The following NCOA2 variants were observed in gnomAD, a reference collection of about 807,000 sequenced individuals.
NCOA2 encodes nuclear receptor coactivator 2, also known as class E basic helix-loop-helix protein 75.
Under a neutral mutation model 145.1 loss-of-function variants are expected in NCOA2, and 21 were observed. The ratio of observed to expected loss-of-function variants is 0.14; its 90% confidence interval spans 0.10 to 0.21. The LOEUF (loss-of-function observed/expected upper bound fraction) is 0.21. Ranked by LOEUF, NCOA2 falls within the 10% of genes least tolerant of loss-of-function variation. The probability of loss-of-function intolerance (pLI) is 1.00; values close to 1 mark genes in which losing one functional copy is unlikely to be tolerated. For synonymous variants in NCOA2, 619 were observed against 637.5 expected (o/e 0.97, Z 0.44); for missense variants, 1,472 against 1,837.6 (o/e 0.80, Z 3.64).
rs1162224696 is a variant in NCOA2, at chr8:70,113,550, CAA to C, written c.*80_*81del. The C allele has an allele frequency of 6.7e-7, 1 of 1,493,062 alleles. No individual in the cohort carries two copies. Among genetic ancestry groups the C allele is most frequent in the African/African-American group, 1.4e-5 (1 of 71,858 alleles). 92.5% of individuals were successfully genotyped at this position (1,493,062 alleles called of 1,614,324 possible). On this transcript the variant is annotated 3_prime_UTR_variant, in exon 23 of 23. Coordinates refer to ENST00000452400, the MANE Select transcript of NCOA2 (RefSeq NM_006540.4). ...GGCTGGCAGGTCAGTTGGGTTGAAA[CAA>C]ATAGACACAGCTCTCCAGACTGGAA...
At chr8:70,327,322 T>C (rs1221163792) in intron 1 of NCOA2, among the ~76,000 whole-genome samples, 1 of 152,214 alleles carries the variant, frequency 6.6e-6, no homozygotes, top group Non-Finnish European at 1.5e-5. Context: ...GAATGCAGTA[T>C]GTATTCTCTG....
chr8:70,265,812 TTTGTTG>T lies in NCOA2; in HGVS notation c.-20+30926_-20+30931del, dbSNP rs139056239. On this transcript the variant is annotated intron_variant, in intron 2 of 22. Transcript: ENST00000452400. ...AAGAGCAAACCAGAAACTTCAGTTT[TTTGTTG>T]TTGTTGTTGTTGTTGTTTTGTTTGT... 9.9e-3 allele frequency among the ~76,000 whole-genome samples: 1,500 copies of T among 151,136 alleles called. 24 individuals carry two copies. Among genetic ancestry groups the T allele is most frequent in the African/African-American group, 0.033 (1,343 of 40,718 alleles).
At chr8:70,151,495 C>T (rs760652343) in intron 11 of NCOA2, among the ~76,000 whole-genome samples, 2 of 152,192 alleles carry the variant, frequency 1.3e-5, no homozygotes, top group African/African-American at 4.8e-5. Context: ...ACCATGTTGG[C>T]TAGGCTGGTC....
chr8:70,249,590 A>G (rs1822927821), intron 2 of NCOA2, among the ~76,000 whole-genome samples: 1 of 152,168 alleles, frequency 6.6e-6, no homozygotes, highest in African/African-American at 2.4e-5. Flanking sequence ...ATAGCATAGG[A>G]AGACATCAAT....
At chr8:70,281,595 C>G (rs1049920698) in intron 2 of NCOA2, among the ~76,000 whole-genome samples, 1 of 152,244 alleles carries the variant, frequency 6.6e-6, no homozygotes, top group African/African-American at 2.4e-5. Context: ...CCCCCCACCT[C>G]TTTGTTTTCT....
chr8:70,357,921 T>C (rs1213984940), intron 1 of NCOA2, among the ~76,000 whole-genome samples: 2 of 149,420 alleles, frequency 1.3e-5, no homozygotes, highest in Non-Finnish European at 3.0e-5. Context: ...CTTGGTGGTG[T>C]CCACCAGTGA....
chr8:70,182,644 A>G (rs1815616805), intron 4 of NCOA2, among the ~76,000 whole-genome samples: 1 of 152,308 alleles, frequency 6.6e-6, no homozygotes, highest in Non-Finnish European at 1.5e-5. Context: ...ACATATTACT[A>G]TGTAATAGCC....
chr8:70,180,651 G>A (rs548453346), intron 4 of NCOA2, among the ~76,000 whole-genome samples: 57 of 152,330 alleles, frequency 3.7e-4, no homozygotes, highest in African/African-American at 1.3e-3. Context: ...TGAAGCAGCT[G>A]TATTAAATTG....
At chr8:70,351,424 T>G (rs191878896) in intron 1 of NCOA2, among the ~76,000 whole-genome samples, 1 of 152,218 alleles carries the variant, frequency 6.6e-6, no homozygotes, top group East Asian at 1.9e-4. Context: ...CTGCTTCTAA[T>G]TCTAAAAGAA....
At chr8:70,129,122 T>G in intron 16 of NCOA2, 142 bp from the exon 17 acceptor site, 13 of 816,474 alleles carry the variant, frequency 1.6e-5, no homozygotes, top group Non-Finnish European at 2.4e-5. Context: ...AAGGTACCTT[T>G]AGAGCTTGAC....
intron 2 of NCOA2, among the ~76,000 whole-genome samples, chr8:70,239,844 G>A (rs1008056060): frequency 2.6e-5 from 4 of 152,212 alleles, no homozygotes; most frequent in African/African-American, 9.6e-5. Flanking sequence ...ATGAGCCAAA[G>A]TTACAAGGCA....
the NCOA2 span, among the ~76,000 whole-genome samples, chr8:70,419,537 C>T: frequency 1.3e-5 from 2 of 151,318 alleles, no homozygotes; most frequent in Non-Finnish European, 1.5e-5. Flanking sequence ...CTTTTTTTGC[C>T]CCTTTTCTTG....
In NCOA2 at chr8:70,112,790, GA is replaced by G; in HGVS notation, c.*841del. On this transcript the variant is annotated 3_prime_UTR_variant, in exon 23 of 23. Coordinates refer to ENST00000452400, the MANE Select transcript of NCOA2 (RefSeq NM_006540.4). ...AGGGAGTATGGGGAATGAGAGAGGG[GA>G]AGGGAAGAGTCAGGCTGACAGGGAA... 1 of 210,166 alleles carries G rather than the reference GA, an allele frequency of 4.8e-6. No individual in the cohort carries two copies. 13.0% of individuals were successfully genotyped at this position (210,166 alleles called of 1,614,324 possible). A position where few individuals can be genotyped will look rare whatever the true frequency, so the allele number is the denominator to read the frequency against.
At position 70,111,007 on chromosome 8, in the gene NCOA2, C is replaced by A. The variant is rs1428377806; in HGVS notation, c.*2625G>T. On this transcript the variant is annotated 3_prime_UTR_variant, in exon 23 of 23. Transcript: ENST00000452400. ...TGAGAAATACTGATAATGAAGGGAA[C>A]TGATTTGGCTTTTGCTTCTATAGTG... 5 of 223,564 alleles carry A rather than the reference C, an allele frequency of 2.2e-5. No homozygotes were observed. The highest frequency in any genetic ancestry group is 4.5e-5 in the Non-Finnish European group (5 of 112,126). The allele number at this position is 223,564 out of a possible 1,614,324, so 13.8% of individuals were successfully genotyped here.
intron 2 of NCOA2, among the ~76,000 whole-genome samples, chr8:70,230,128 C>A (rs1821007028): frequency 6.6e-6 from 1 of 152,166 alleles, no homozygotes; most frequent in South Asian, 2.1e-4. Flanking sequence ...GGTAAAGTCA[C>A]AGTTACGCTA....
intron 1 of NCOA2, among the ~76,000 whole-genome samples, chr8:70,331,438 TAA>T (rs1191175452): frequency 1.3e-5 from 2 of 152,188 alleles, no homozygotes; most frequent in African/African-American, 4.8e-5. Context: ...TTTAAATTGC[TAA>T]AACTGTATTA....
chr8:70,277,877 A>G (rs918466227), intron 2 of NCOA2, among the ~76,000 whole-genome samples: 3 of 152,170 alleles, frequency 2.0e-5, no homozygotes, highest in African/African-American at 7.2e-5. Flanking sequence ...TTACTCCCAT[A>G]TTCATATCTT....
At chr8:70,338,970 A>G (rs1364685958) in intron 1 of NCOA2, among the ~76,000 whole-genome samples, 1 of 152,174 alleles carries the variant, frequency 6.6e-6, no homozygotes, top group Non-Finnish European at 1.5e-5. Flanking sequence ...AGAGCCATAT[A>G]TGACAAACTC....
chr8:70,119,087 T>G (rs1490804918), intron 22 of NCOA2, among the ~76,000 whole-genome samples: 1 of 152,202 alleles, frequency 6.6e-6, no homozygotes, highest in Non-Finnish European at 1.5e-5. Flanking sequence ...GACAGGGTTT[T>G]AGGGTGTCCA....
Sources: allele counts gnomAD v4.1 joint callset (sites outside exome capture counted in the v4.1 genomes callset), GRCh38; gene constraint gnomAD v4.1.1; transcripts MANE v1.5; gene names NCBI Gene and HGNC (gene_info 2026-07-23, HGNC 2026-07-21).